IL1RAPL1: variants seen among roughly 807,000 people sequenced by gnomAD.
IL1RAPL1 encodes the protein interleukin-1 receptor accessory protein-like 1.
A neutral mutation model predicts 48.4 loss-of-function variants in IL1RAPL1; 3 were observed. The observed-to-expected ratio is 0.06, with a 90% CI of 0.03 to 0.16. IL1RAPL1 has a LOEUF of 0.16. IL1RAPL1 is among the 10% of genes least tolerant of loss of function. IL1RAPL1 has a pLI of 1.00. For synonymous variants in IL1RAPL1, 185 were observed against 187.7 expected (o/e 0.99, Z 0.12); for missense variants, 349 against 530.6 (o/e 0.66, Z 3.36).
At chrX:29,416,921 A>C (rs2035733325) in intron 5 of IL1RAPL1, among the ~76,000 whole-genome samples, 1 of 111,498 alleles carries the variant, frequency 9.0e-6, no homozygotes, top group Admixed American at 9.6e-5. Context: ...ATTATGTTAA[A>C]ATTTTTATGG....
chrX:29,588,631 G>A (rs1301850355), intron 5 of IL1RAPL1, among the ~76,000 whole-genome samples: 1 of 111,740 alleles, frequency 8.9e-6, no homozygotes, highest in Non-Finnish European at 1.9e-5. Flanking sequence ...ACTATACTAC[G>A]ATGGAAGAGA....
At chrX:29,695,549 G>A (rs1415163199) in intron 6 of IL1RAPL1, among the ~76,000 whole-genome samples, 6 of 108,887 alleles carry the variant, frequency 5.5e-5, no homozygotes, top group Admixed American at 2.0e-4. Flanking sequence ...GAGGGCCCTC[G>A]TCCTGGTTAT....
intron 1 of IL1RAPL1, among the ~76,000 whole-genome samples, chrX:28,615,084 T>C (rs1934197350): frequency 9.1e-6 from 1 of 109,353 alleles, no homozygotes; most frequent in Admixed American, 9.9e-5. Context: ...GAGACGGGGT[T>C]TCACTGTGTT....
At chrX:29,459,275 G>A (rs758746054) in intron 5 of IL1RAPL1, among the ~76,000 whole-genome samples, 2 of 111,987 alleles carry the variant, frequency 1.8e-5, no homozygotes, top group Non-Finnish European at 3.8e-5. Flanking sequence ...TGAGCATTTC[G>A]TTATGGCAGA....
At chrX:29,884,214 C>T (rs1932090793) in intron 6 of IL1RAPL1, among the ~76,000 whole-genome samples, 1 of 111,837 alleles carries the variant, frequency 8.9e-6, no homozygotes, top group South Asian at 3.8e-4. Context: ...TATTCCCTTT[C>T]ACCTTATTTT....
At chrX:29,052,645 G>A (rs750091657) in intron 2 of IL1RAPL1, among the ~76,000 whole-genome samples, 2 of 108,041 alleles carry the variant, frequency 1.9e-5, no homozygotes, top group East Asian at 5.8e-4. Flanking sequence ...GATTACACGT[G>A]TAAGTGAGAT....
intron 5 of IL1RAPL1, among the ~76,000 whole-genome samples, chrX:29,640,118 G>T (rs1925119922): frequency 8.9e-6 from 1 of 112,131 alleles, no homozygotes; most frequent in African/African-American, 3.2e-5. Flanking sequence ...GTGGAAGGCT[G>T]CCTTGCTGTG....
intron 2 of IL1RAPL1, among the ~76,000 whole-genome samples, chrX:28,926,780 C>A (rs1021070483): frequency 9.0e-6 from 1 of 111,599 alleles, no homozygotes; most frequent in East Asian, 2.8e-4. Context: ...CCTCTCACAA[C>A]AGTTATGTCT....
rs1936389811 is a variant in IL1RAPL1, at chrX:28,779,121, A to G, written c.-24-10199A>G. Among the ~76,000 whole-genome samples the G allele has an allele frequency of 3.6e-5, 4 of 111,766 alleles. No individual in the cohort carries two copies. The South Asian group carries it at 1.5e-3, about 41-fold the overall frequency. ...GTGTGCACTTAACCACTTTCATTGT[A>G]TATTTCTTCAGGTCTGTCTTCACAG... On this transcript the variant is annotated intron_variant, in intron 1 of 10. Transcript: ENST00000378993.
chrX:29,091,372 T>G (rs1928087259), intron 2 of IL1RAPL1, among the ~76,000 whole-genome samples: 1 of 111,760 alleles, frequency 8.9e-6, no homozygotes, highest in Non-Finnish European at 1.9e-5. Context: ...TACTCATGTC[T>G]TAGTCTCCCC....
At chrX:28,727,684 C>A (rs1329539515) in intron 1 of IL1RAPL1, among the ~76,000 whole-genome samples, 1 of 105,751 alleles carries the variant, frequency 9.5e-6, no homozygotes, top group African/African-American at 3.5e-5. Flanking sequence ...TCATAGATAG[C>A]TCTTATTATT....
chrX:28,806,937 C>T (rs1479504748), intron 2 of IL1RAPL1, among the ~76,000 whole-genome samples: 5 of 111,203 alleles, frequency 4.5e-5, no homozygotes, highest in African/African-American at 1.3e-4. Context: ...ACCTTGTAAA[C>T]CCTCTCAAAG....
intron 6 of IL1RAPL1, among the ~76,000 whole-genome samples, chrX:29,885,059 T>C (rs1487329683): frequency 9.0e-6 from 1 of 111,435 alleles, no homozygotes; most frequent in African/African-American, 3.3e-5. Flanking sequence ...TTAGCATGTC[T>C]CCTCCTCTCT....
chrX:28,650,332 C>G (rs1427167406), intron 1 of IL1RAPL1, among the ~76,000 whole-genome samples: 1 of 111,342 alleles, frequency 9.0e-6, no homozygotes, highest in East Asian at 2.8e-4. Flanking sequence ...CTGGGGAGGC[C>G]TCACAATCAT....
At chrX:29,785,117 AT>A (rs1929463075) in intron 6 of IL1RAPL1, among the ~76,000 whole-genome samples, 1 of 112,187 alleles carries the variant, frequency 8.9e-6, no homozygotes. Flanking sequence ...TTGTTAATAA[AT>A]ATGCTGCTAC....
chrX:29,913,421 T>C (rs1206608542), intron 6 of IL1RAPL1, among the ~76,000 whole-genome samples: 5 of 73,591 alleles, frequency 6.8e-5, no homozygotes, highest in South Asian at 4.6e-4. Flanking sequence ...TACACATATA[T>C]GTATACATAT....
At chrX:29,570,598 G>T (rs1467275233) in intron 5 of IL1RAPL1, among the ~76,000 whole-genome samples, 1 of 112,167 alleles carries the variant, frequency 8.9e-6, no homozygotes, top group African/African-American at 3.2e-5. Context: ...TAATGAGTAT[G>T]AAAACATCTA....
intron 6 of IL1RAPL1, among the ~76,000 whole-genome samples, chrX:29,839,577 A>G (rs1931089860): frequency 8.9e-6 from 1 of 111,943 alleles, no homozygotes; most frequent in African/African-American, 3.2e-5. Context: ...TTATGCATGT[A>G]TGTTTGCATA....
intron 3 of IL1RAPL1, among the ~76,000 whole-genome samples, chrX:29,343,972 CA>C (rs1213270767): frequency 8.9e-6 from 1 of 112,004 alleles, no homozygotes; most frequent in Non-Finnish European, 1.9e-5. Context: ...TAGATTAATG[CA>C]AATGAACAAG....
Sources: allele counts gnomAD v4.1 joint callset (sites outside exome capture counted in the v4.1 genomes callset), GRCh38; gene constraint gnomAD v4.1.1; transcripts MANE v1.5; gene names NCBI Gene and HGNC (gene_info 2026-07-23, HGNC 2026-07-21).